The following NSD1 variants were observed in gnomAD, a reference collection of about 807,000 sequenced individuals.
The protein encoded by NSD1 is histone-lysine N-methyltransferase, H3 lysine-36 specific.
NSD1 carries 26 observed loss-of-function variants against 242.7 expected under a neutral mutation model. The ratio of observed to expected loss-of-function variants is 0.11; its 90% CI spans 0.08 to 0.15. NSD1 has a LOEUF of 0.15. Ranked by LOEUF, NSD1 falls within the 10% of genes least tolerant of loss-of-function variation. The pLI, the probability that NSD1 is intolerant of heterozygous loss-of-function variation, is 1.00. For missense variants in NSD1, 2,495 were observed against 3,272.8 expected, an observed-to-expected ratio of 0.76 and a Z score of 5.80; for synonymous variants, 1,106 against 1,178.1, an observed-to-expected ratio of 0.94 and a Z score of 1.25.
intron 14 of NSD1, chr5:177,266,466 G>C (rs1757474954): frequency 3.2e-6 from 2 of 616,440 alleles, no homozygotes; most frequent in Non-Finnish European, 6.0e-6. Context: ...AGTTGCCGAA[G>C]TGGGCGTAGG....
At chr5:177,137,203 T>C (rs1441857095) in intron 2 of NSD1, 18 of 325,758 alleles carry the variant, frequency 5.5e-5, no homozygotes, top group Non-Finnish European at 4.4e-5. Flanking sequence ...TCTTGATTGC[T>C]ATAAGATTCC....
Position 177,269,932 on chromosome 5 carries a change from C to A in NSD1, c.5509+125C>A. ...TTTGTCCTCTCAGGGCATTATCTGG[C>A]TGCAAATACAGTATTTTGCAAGGAA... On this transcript the variant is annotated intron_variant, in intron 16 of 22. Transcript: ENST00000439151. The surrounding 1 kb of genome is among the most constrained non-coding windows in gnomAD (Gnocchi z 5.1). 1 of 758,162 alleles carries A rather than the reference C, an allele frequency of 1.3e-6. No homozygotes were observed. The highest frequency in any genetic ancestry group is 2.1e-6 in the Non-Finnish European group (1 of 471,598). 47.0% of individuals were successfully genotyped at this position (758,162 alleles called of 1,614,324 possible).
Position 177,211,404 on chromosome 5 carries a change from A to G in NSD1, c.3005A>G (p.Lys1002Arg), listed in dbSNP as rs1763328200. ...SASLPGLLSD[K>R]RDLPASGKSR... ...TCCCTACCTGGCTTACTGTCCGACA[A>G]GAGAGACCTCCCTGCTTCTGGTAAA... is the stretch of plus-strand genomic sequence containing the variant. Residue 1002 changes from lysine to arginine, a missense_variant, in exon 5 of 23, where the codon AAG (lysine) becomes AGG (arginine). By Grantham distance (26) the Lys-to-Arg change is conservative. Coordinates refer to ENST00000439151, the MANE Select transcript of NSD1 (RefSeq NM_022455.5). 6.2e-7 allele frequency: 1 copy of G among 1,614,166 alleles called. No homozygotes were observed. The highest frequency in any genetic ancestry group is 8.5e-7 in the Non-Finnish European group (1 of 1,180,038).
At chr5:177,177,686 G>A (rs905549468) in intron 2 of NSD1, among the ~76,000 whole-genome samples, 9 of 152,024 alleles carry the variant, frequency 5.9e-5, no homozygotes, top group Non-Finnish European at 1.5e-5. Context: ...TAGATTGTAT[G>A]TTCACAATTA....
chr5:177,244,699 G>C (rs558872176), intron 9 of NSD1, among the ~76,000 whole-genome samples: 261 of 152,226 alleles, frequency 1.7e-3, no homozygotes, highest in Middle Eastern at 3.4e-3. Context: ...TTATTGATTA[G>C]TGTCATTTTT....
chr5:177,232,341 A>G (rs1438169332), intron 5 of NSD1, among the ~76,000 whole-genome samples: 3 of 152,218 alleles, frequency 2.0e-5, no homozygotes, highest in Non-Finnish European at 4.4e-5. Context: ...ATTCTACAAA[A>G]TCCATAGAGA....
intron 2 of NSD1, among the ~76,000 whole-genome samples, chr5:177,149,346 G>A (rs1013798426): frequency 6.6e-6 from 1 of 151,582 alleles, no homozygotes; most frequent in Non-Finnish European, 1.5e-5. Context: ...AGCCTCTGGA[G>A]TAGCTGGGAT....
At chr5:177,148,181 G>A (rs1757411655) in intron 2 of NSD1, among the ~76,000 whole-genome samples, 2 of 151,778 alleles carry the variant, frequency 1.3e-5, no homozygotes, top group African/African-American at 4.8e-5. Context: ...GCAATTGCGC[G>A]ATCTTGGCTC....
At chr5:177,172,263 C>G (rs1431982595) in intron 2 of NSD1, among the ~76,000 whole-genome samples, 1 of 152,128 alleles carries the variant, frequency 6.6e-6, no homozygotes, top group East Asian at 1.9e-4. Context: ...AATCCTAGCA[C>G]TTTGGGAGGC....
At chr5:177,251,968 T>G in intron 12 of NSD1, 115 bp downstream of exon 12, 1 of 1,305,646 alleles carries the variant, frequency 7.7e-7, no homozygotes, top group Non-Finnish European at 1.1e-6. Flanking sequence ...TTGTTACAGA[T>G]ATAGAAATGG....
intron 5 of NSD1, among the ~76,000 whole-genome samples, chr5:177,223,505 G>A (rs757836342): frequency 1.3e-5 from 2 of 151,854 alleles, no homozygotes; most frequent in Non-Finnish European, 2.9e-5. Flanking sequence ...CCCAGGAAGC[G>A]GAAGTTGCAG....
At position 177,295,478 on chromosome 5, in the gene NSD1, GAACA is replaced by G; in HGVS notation, c.*25_*28del. 1.2e-6 allele frequency: 2 copies of G among 1,612,596 alleles called. No homozygotes were observed. The highest frequency in any genetic ancestry group is 1.7e-6 in the Non-Finnish European group (2 of 1,179,222). ...GAAGTAGTACCAATCAATGTCACATGAACAAACAAGCTGCCCCCAGGGTACCATT... is the reference window on the plus strand; with the variant it reads ...GAAGTAGTACCAATCAATGTCACATGAACAAGCTGCCCCCAGGGTACCATT... On this transcript the variant is annotated 3_prime_UTR_variant, in exon 23 of 23. Transcript: ENST00000439151. The surrounding 1 kb of genome is among the most constrained non-coding windows in gnomAD (Gnocchi z 4.3).
chr5:177,148,570 GCA>G (rs1432529690), intron 2 of NSD1, among the ~76,000 whole-genome samples: 3 of 151,864 alleles, frequency 2.0e-5, no homozygotes, highest in African/African-American at 7.3e-5. Context: ...GACCACAGGT[GCA>G]CACCACCACA....
chr5:177,141,893 G>C (rs185326837), intron 2 of NSD1, among the ~76,000 whole-genome samples: 2 of 152,134 alleles, frequency 1.3e-5, no homozygotes, highest in African/African-American at 2.4e-5. Flanking sequence ...TAGTGCAGTG[G>C]TGCCATCTCG....
intron 3 of NSD1, among the ~76,000 whole-genome samples, chr5:177,196,918 CAT>C (rs1762140561): frequency 6.6e-6 from 1 of 151,970 alleles, no homozygotes; most frequent in Non-Finnish European, 1.5e-5. Flanking sequence ...TACTGAATCC[CAT>C]ATATATAATG....
At chr5:177,245,976 T>A (rs561634568) in intron 9 of NSD1, among the ~76,000 whole-genome samples, 3,432 of 148,454 alleles carry the variant, frequency 0.023, 51 homozygotes, top group South Asian at 0.053. Context: ...TTTTATTTAT[T>A]TTTTTTTTTT....
chr5:177,254,581 G>C (rs758922020), intron 12 of NSD1, among the ~76,000 whole-genome samples: 8 of 152,008 alleles, frequency 5.3e-5, no homozygotes, highest in Non-Finnish European at 1.0e-4. Flanking sequence ...TGCATTTTTA[G>C]TAGAGACGAG....
chr5:177,280,867 C>G (rs1758816559), intron 18 of NSD1, 33 bp downstream of exon 18: 1 of 1,610,554 alleles, frequency 6.2e-7, no homozygotes, highest in Non-Finnish European at 8.5e-7. Context: ...TATACTTTCT[C>G]CTCTTTGCAG....
intron 2 of NSD1, among the ~76,000 whole-genome samples, chr5:177,166,505 A>G (rs1195554508): frequency 1.3e-5 from 2 of 151,422 alleles, no homozygotes; most frequent in African/African-American, 4.9e-5. Flanking sequence ...AAATGGTACC[A>G]CTGCACTCCA....
Sources: allele counts gnomAD v4.1 joint callset (sites outside exome capture counted in the v4.1 genomes callset), GRCh38; gene constraint gnomAD v4.1.1; non-coding constraint Gnocchi (gnomAD v3.1); transcripts MANE v1.5; gene names NCBI Gene and HGNC (gene_info 2026-07-23, HGNC 2026-07-21).